The following PRKG1 variants were observed in gnomAD, a reference collection of about 807,000 sequenced individuals.
The protein encoded by PRKG1 is cGMP-dependent protein kinase 1.
In PRKG1, 35 loss-of-function variants were observed where a neutral mutation model predicts 88.1. That is an observed-to-expected ratio of 0.40 (90% CI 0.30 to 0.53). PRKG1 has a LOEUF of 0.53. Ranked by LOEUF, PRKG1 falls within the 20% of genes least tolerant of loss-of-function variation. The pLI is 0.59. For synonymous variants in PRKG1, 303 were observed against 292.5 expected (o/e 1.04, Z -0.37); for missense variants, 540 against 839.8 (o/e 0.64, Z 4.41).
Position 51,855,960 on chromosome 10 carries a change from T to C in PRKG1, c.698+51270T>C, listed in dbSNP as rs1840669157. ...TGTCATAAAGTGCTAAAAATAAAGG[T>C]TCCAGCTGGGATGGTTCCTTCCAGA... On this transcript the variant is annotated intron_variant, in intron 4 of 17. Coordinates refer to ENST00000373980, the MANE Select transcript of PRKG1 (RefSeq NM_006258.4). 2.6e-5 allele frequency among the ~76,000 whole-genome samples: 4 copies of C among 152,224 alleles called. No homozygotes were observed. In the South Asian group the frequency reaches 8.3e-4, roughly 32 times the overall value.
intron 7 of PRKG1, among the ~76,000 whole-genome samples, chr10:52,086,038 T>G (rs961649526): frequency 3.9e-5 from 6 of 152,150 alleles, no homozygotes; most frequent in African/African-American, 1.4e-4. Flanking sequence ...TTGATCATGT[T>G]ATTTATTTGA....
chr10:52,291,201 C>T (rs1318275448), intron 17 of PRKG1, among the ~76,000 whole-genome samples: 1 of 151,760 alleles, frequency 6.6e-6, no homozygotes, highest in Non-Finnish European at 1.5e-5. Flanking sequence ...GGATTACAGA[C>T]GTGAGCACCG....
chr10:51,929,612 A>G (rs145463238), intron 5 of PRKG1, among the ~76,000 whole-genome samples: 3 of 152,234 alleles, frequency 2.0e-5, no homozygotes, highest in African/African-American at 7.2e-5. Flanking sequence ...CGGCCTCTCA[A>G]AGTGCTGGGA....
At chr10:51,185,927 A>G (rs1175590761) in intron 2 of PRKG1, among the ~76,000 whole-genome samples, 2 of 151,802 alleles carry the variant, frequency 1.3e-5, no homozygotes, top group Non-Finnish European at 2.9e-5. Context: ...ATAAACATAG[A>G]ATTATTTCAT....
chr10:51,572,501 C>T (rs1589094869), intron 3 of PRKG1, among the ~76,000 whole-genome samples: 1 of 151,900 alleles, frequency 6.6e-6, no homozygotes, highest in East Asian at 1.9e-4. Context: ...TAGACATTAT[C>T]CAGGTCAATA....
intron 9 of PRKG1, among the ~76,000 whole-genome samples, chr10:52,169,209 T>C (rs1838588843): frequency 6.6e-6 from 1 of 152,108 alleles, no homozygotes; most frequent in African/African-American, 2.4e-5. Flanking sequence ...AAACCAAGAA[T>C]AGACTATGTG....
At chr10:51,601,640 C>A (rs1156782923) in intron 3 of PRKG1, among the ~76,000 whole-genome samples, 1 of 148,642 alleles carries the variant, frequency 6.7e-6, no homozygotes, top group Non-Finnish European at 1.5e-5. Context: ...TTAGCCTGCT[C>A]AGTAAAGGAG....
chr10:51,278,394 G>A (rs954850458), intron 2 of PRKG1, among the ~76,000 whole-genome samples: 2 of 152,136 alleles, frequency 1.3e-5, no homozygotes, highest in East Asian at 1.9e-4. Context: ...GTGTTCATCA[G>A]GGATATTGGT....
At chr10:52,084,507 C>T (rs1846861938) in intron 7 of PRKG1, among the ~76,000 whole-genome samples, 1 of 152,124 alleles carries the variant, frequency 6.6e-6, no homozygotes, top group Non-Finnish European at 1.5e-5. Flanking sequence ...CTCAATTTCA[C>T]CGGTTACTGA....
At chr10:51,160,949 G>C (rs1258714906) in intron 2 of PRKG1, among the ~76,000 whole-genome samples, 1 of 151,890 alleles carries the variant, frequency 6.6e-6, no homozygotes, top group Non-Finnish European at 1.5e-5. Context: ...GCTTAGTTAT[G>C]TGAGGTTCAT....
At chr10:51,908,403 T>C (rs184827602) in intron 5 of PRKG1, 4 of 152,120 alleles carry the variant, frequency 2.6e-5, no homozygotes, top group African/African-American at 9.6e-5. Flanking sequence ...GGTGACAGAA[T>C]TGGAGGATGG....
intron 4 of PRKG1, among the ~76,000 whole-genome samples, chr10:51,865,135 T>C (rs1338500798): frequency 2.6e-5 from 4 of 152,166 alleles, no homozygotes; most frequent in Non-Finnish European, 4.4e-5. Flanking sequence ...AGAATACTTG[T>C]ATTTCTTCAA....
intron 9 of PRKG1, among the ~76,000 whole-genome samples, chr10:52,217,367 C>T (rs564108845): frequency 7.7e-6 from 1 of 129,778 alleles, no homozygotes; most frequent in Non-Finnish European, 1.7e-5. Flanking sequence ...TATATATATA[C>T]ACATATACAC....
chr10:51,889,950 G>A (rs376088613), intron 4 of PRKG1, among the ~76,000 whole-genome samples: 101 of 152,164 alleles, frequency 6.6e-4, no homozygotes, highest in Middle Eastern at 3.4e-3. Context: ...TGTAGATTCT[G>A]GATATTAGCC....
chr10:51,289,846 G>A (rs1840536950), intron 2 of PRKG1, among the ~76,000 whole-genome samples: 1 of 152,068 alleles, frequency 6.6e-6, no homozygotes, highest in Non-Finnish European at 1.5e-5. Flanking sequence ...AAGTCTAGAT[G>A]GCCTTAAGGG....
intron 1 of PRKG1, among the ~76,000 whole-genome samples, chr10:51,123,883 C>T (rs1283890258): frequency 2.6e-5 from 4 of 151,866 alleles, no homozygotes; most frequent in Non-Finnish European, 4.4e-5. Context: ...AAAGCAGGCG[C>T]GAGAGAGTGA....
intron 7 of PRKG1, among the ~76,000 whole-genome samples, chr10:52,066,083 T>C (rs1313672351): frequency 3.9e-5 from 6 of 152,232 alleles, no homozygotes; most frequent in African/African-American, 1.4e-4. Context: ...CCTGGTTTTA[T>C]TAGTCTACTC....
chr10:52,155,156 A>G (rs1838057666), intron 8 of PRKG1, among the ~76,000 whole-genome samples: 1 of 148,296 alleles, frequency 6.7e-6, no homozygotes, highest in African/African-American at 2.4e-5. Context: ...GTAGATATAC[A>G]GTACTGGGAT....
intron 2 of PRKG1, among the ~76,000 whole-genome samples, chr10:51,330,523 T>C (rs1344271726): frequency 5.3e-5 from 8 of 152,218 alleles, no homozygotes; most frequent in Non-Finnish European, 8.8e-5. Context: ...TTACTTTTCG[T>C]ATTTTTTCTC....
Sources: gnomAD v4.1 joint callset for allele counts (sites outside exome capture counted in the v4.1 genomes callset) on GRCh38, gnomAD v4.1.1 for gene constraint, MANE v1.5 for transcripts, NCBI Gene and HGNC (gene_info 2026-07-23, HGNC 2026-07-21) for gene names.